The following SNAPC3 variants were observed in gnomAD, a reference collection of about 807,000 sequenced individuals.
SNAPC3 encodes the protein snRNA-activating protein complex subunit 3.
A neutral mutation model predicts 47.7 loss-of-function variants in SNAPC3; 56 were observed. The ratio of observed to expected loss-of-function variants is 1.18; its 90% CI spans 0.95 to 1.47. SNAPC3 has a LOEUF of 1.47. Ranked by LOEUF, SNAPC3 falls within the 40% of genes most tolerant of loss-of-function variation. SNAPC3 has a pLI of 0.00. For synonymous variants in SNAPC3, 235 were observed against 189.9 expected, an observed-to-expected ratio of 1.24 and a Z score of -1.95; for missense variants, 665 against 511.3, an observed-to-expected ratio of 1.30 and a Z score of -2.90.
chr9:15,451,540 T>A, intron 6 of SNAPC3, 138 bp downstream of exon 6: 1 of 443,384 alleles, frequency 2.3e-6, no homozygotes, highest in Non-Finnish European at 4.0e-6. Flanking sequence ...TTGCATTACA[T>A]ACATCCAAAA....
chr9:15,435,609 T>C lies in SNAPC3; in HGVS notation c.477+1973T>C, dbSNP rs570389109. Among the ~76,000 whole-genome samples the C allele has an allele frequency of 4.4e-4, 66 of 151,152 alleles. 2 individuals carry two copies. The South Asian group carries it at 7.0e-3, about 16-fold the overall frequency. ...AGCCGGGCGTGGTGGCAGGCGCCTG[T>C]AATCCCAGCTACTCTGGAGGCTGGC... On this transcript the variant is annotated intron_variant, in intron 3 of 8. Transcript: ENST00000380821.
At chr9:15,439,464 T>G (rs531147958) in intron 3 of SNAPC3, among the ~76,000 whole-genome samples, 1 of 152,328 alleles carries the variant, frequency 6.6e-6, no homozygotes, top group African/African-American at 2.4e-5. Context: ...CAAGTAATAC[T>G]CCCACATCAG....
chr9:15,459,673 G>A (rs2035052404), intron 8 of SNAPC3, 46 bp from the exon 9 acceptor site: 2 of 1,555,896 alleles, frequency 1.3e-6, no homozygotes, highest in African/African-American at 2.7e-5. Context: ...TGTTAAGTAT[G>A]GCAAATTTGA....
chr9:15,439,381 G>GAAACCTTAAAAAACCTTAAA (rs2033119436), intron 3 of SNAPC3, among the ~76,000 whole-genome samples: 1 of 151,974 alleles, frequency 6.6e-6, no homozygotes, highest in Admixed American at 6.6e-5. Context: ...TTTGTCTATT[G>GAAACCTTAAAAAACCTTAAA]AAACCTTAAA....
chr9:15,455,986 T>C (rs1051853378), intron 7 of SNAPC3, among the ~76,000 whole-genome samples: 4 of 151,460 alleles, frequency 2.6e-5, no homozygotes, highest in African/African-American at 9.8e-5. Flanking sequence ...GCAATTCTTC[T>C]GCCTCAGCCT....
intron 2 of SNAPC3, among the ~76,000 whole-genome samples, chr9:15,425,348 G>C (rs2031224695): frequency 6.6e-6 from 1 of 152,148 alleles, no homozygotes; most frequent in Non-Finnish European, 1.5e-5. Flanking sequence ...CTCCGGAGTA[G>C]CTGGGATTAC....
At chr9:15,439,405 A>C (rs904013214) in intron 3 of SNAPC3, among the ~76,000 whole-genome samples, 1 of 152,120 alleles carries the variant, frequency 6.6e-6, no homozygotes, top group African/African-American at 2.4e-5. Flanking sequence ...TTTTGTTTTT[A>C]GAGGTGGGTC....
chr9:15,446,271 C>T (rs1309104856), intron 4 of SNAPC3, among the ~76,000 whole-genome samples: 1 of 152,132 alleles, frequency 6.6e-6, no homozygotes, highest in African/African-American at 2.4e-5. Flanking sequence ...GGTTGGAGTG[C>T]AGCAGTACAA....
At chr9:15,444,836 A>G in intron 4 of SNAPC3, 130 bp downstream of exon 4, 1 of 525,930 alleles carries the variant, frequency 1.9e-6, no homozygotes, top group Non-Finnish European at 3.3e-6. Flanking sequence ...TCATGCCTGT[A>G]ATCTCAGCAC....
intron 5 of SNAPC3, among the ~76,000 whole-genome samples, chr9:15,447,539 T>C (rs1331796550): frequency 6.6e-6 from 1 of 152,196 alleles, no homozygotes; most frequent in Non-Finnish European, 1.5e-5. Context: ...TTTTTGTTTT[T>C]TTGAGACAGA....
chr9:15,432,953 T>A (rs964217458), intron 2 of SNAPC3, among the ~76,000 whole-genome samples: 3 of 152,234 alleles, frequency 2.0e-5, no homozygotes, highest in African/African-American at 7.2e-5. Flanking sequence ...GGTGTCTTTC[T>A]GGTGCAGGAA....
At chr9:15,430,421 G>A (rs1376582774) in intron 2 of SNAPC3, among the ~76,000 whole-genome samples, 1 of 151,814 alleles carries the variant, frequency 6.6e-6, no homozygotes, top group Non-Finnish European at 1.5e-5. Flanking sequence ...AACAGAAAAA[G>A]ACCCTGTCAA....
rs2035088485 is a variant in SNAPC3 at position 15,460,045 on chromosome 9, ATAGTT to A, written c.*182_*186del. ...ATGATAGTATTTAAATGTTTATAACATAGTTTAATTTTATATTTATTCCAGATAGT... is the reference window on the plus strand; with the variant it reads ...ATGATAGTATTTAAATGTTTATAACATAATTTTATATTTATTCCAGATAGT... On this transcript the variant is annotated 3_prime_UTR_variant, in exon 9 of 9. Coordinates refer to ENST00000380821, the MANE Select transcript of SNAPC3 (RefSeq NM_001039697.2). 4.5e-6 allele frequency: 2 copies of A among 446,388 alleles called. No individual in the cohort carries two copies. The highest frequency in any genetic ancestry group is 6.4e-5 in the South Asian group (1 of 15,732). 27.7% of individuals were successfully genotyped at this position (446,388 alleles called of 1,614,324 possible). A position where few individuals can be genotyped will look rare whatever the true frequency, so the allele number is the denominator to read the frequency against.
intron 3 of SNAPC3, among the ~76,000 whole-genome samples, chr9:15,435,000 A>G (rs1484364376): frequency 1.3e-5 from 2 of 152,204 alleles, no homozygotes; most frequent in Admixed American, 1.3e-4. Context: ...CCTGTTTTTC[A>G]TAGCAATGAT....
chr9:15,466,665 A>T, downstream of SNAPC3: 1 of 1,056,592 alleles, frequency 9.5e-7, no homozygotes, highest in South Asian at 1.6e-5. Flanking sequence ...TGCTTATTAT[A>T]GTAAGATAAC....
At chr9:15,459,258 TAA>T (rs771374181) in intron 8 of SNAPC3, among the ~76,000 whole-genome samples, 2 of 152,222 alleles carry the variant, frequency 1.3e-5, no homozygotes, top group Non-Finnish European at 2.9e-5. Context: ...GAGTTCTAGG[TAA>T]AAAGAGTTAT....
chr9:15,423,560 G>C (rs1460102468), intron 1 of SNAPC3, among the ~76,000 whole-genome samples: 1 of 152,128 alleles, frequency 6.6e-6, no homozygotes, highest in Non-Finnish European at 1.5e-5. Flanking sequence ...GTGAAGCTGC[G>C]GGAGACTTCA....
In SNAPC3 at chr9:15,444,661, G is replaced by A. The variant is rs1323898683; in HGVS notation, c.537G>A (p.Glu179=). The change falls in exon 4 of 9, where the codon GAG becomes GAA. Residue 179 remains glutamate (E), a synonymous_variant. Transcript: ENST00000380821. ...ENSADMIEEG[E]LILSVNILYP... Reference sequence around the variant, plus strand: ...CAGCAGACATGATTGAAGAAGGGGAGCTTATCCTATCTGTGAATATCTTGT... The same window carrying A: ...CAGCAGACATGATTGAAGAAGGGGAACTTATCCTATCTGTGAATATCTTGT... 1.2e-5 allele frequency: 20 copies of A among 1,612,386 alleles called. No individual in the cohort carries two copies. The African/African-American group carries it at 1.6e-4, about 13-fold the overall frequency.
intron 6 of SNAPC3, among the ~76,000 whole-genome samples, chr9:15,452,603 C>CTGGGATTA (rs2034475210): frequency 6.6e-6 from 1 of 152,212 alleles, no homozygotes; most frequent in South Asian, 2.1e-4. Flanking sequence ...CAGGTGTGAG[C>CTGGGATTA]CACCATGCCC....
Sources: allele counts gnomAD v4.1 joint callset (sites outside exome capture counted in the v4.1 genomes callset), GRCh38; gene constraint gnomAD v4.1.1; transcripts MANE v1.5; gene names NCBI Gene and HGNC (gene_info 2026-07-23, HGNC 2026-07-21).